The following ARHGAP32 variants were observed in gnomAD, a reference collection of about 807,000 sequenced individuals.
The protein encoded by ARHGAP32 is Rho GTPase activating protein 32, also known as rho GTPase-activating protein 32.
ARHGAP32 carries 51 observed loss-of-function variants against 186.5 expected under a neutral mutation model. The observed-to-expected ratio is 0.27, with a 90% CI of 0.22 to 0.35. The LOEUF is 0.35. Ranked by LOEUF, ARHGAP32 falls within the 10% of genes least tolerant of loss-of-function variation. The pLI, the probability that ARHGAP32 is intolerant of heterozygous loss-of-function variation, is 1.00. For missense variants in ARHGAP32, 2,186 were observed against 2,623.5 expected, an observed-to-expected ratio of 0.83 and a Z score of 3.64; for synonymous variants, 950 against 964.3, an observed-to-expected ratio of 0.99 and a Z score of 0.27.
chr11:129,105,291 C>T (rs923321282), intron 5 of ARHGAP32, among the ~76,000 whole-genome samples: 3 of 152,116 alleles, frequency 2.0e-5, no homozygotes, highest in Admixed American at 6.5e-5. Flanking sequence ...GCCATGCACA[C>T]GCACAGGGTA....
upstream of ARHGAP32, among the ~76,000 whole-genome samples, chr11:129,193,674 A>AATATGTAATATT (rs1944340609): frequency 2.0e-5 from 1 of 50,012 alleles, no homozygotes; most frequent in Non-Finnish European, 3.6e-5. Flanking sequence ...TATTATATAT[A>AATATGTAATATT]ATATATAATA....
intron 1 of ARHGAP32, among the ~76,000 whole-genome samples, chr11:129,189,294 T>C (rs1274940288): frequency 1.3e-5 from 2 of 152,116 alleles, no homozygotes; most frequent in Non-Finnish European, 2.9e-5. Flanking sequence ...TGCTCCACCA[T>C]GACAAATGTG....
chr11:128,988,098 G>A lies in ARHGAP32; in HGVS notation c.1223C>T (p.Ala408Val), dbSNP rs1161252189. The A allele has an allele frequency of 6.2e-7, 1 of 1,613,120 alleles. No homozygotes were observed. The highest frequency in any genetic ancestry group is 1.3e-5 in the African/African-American group (1 of 75,026). Residue 408 changes from alanine to valine, a missense_variant, in exon 13 of 23, where the codon GCA (alanine) becomes GTA (valine). By Grantham distance (64) the Ala-to-Val change is moderately conservative (BLOSUM62 0). Coordinates refer to ENST00000682385, the MANE Select transcript of ARHGAP32 (RefSeq NM_001378024.1). Reference protein sequence around the residue: ...EVPQVLQSCTAFIERYGIVDG... With the variant: ...EVPQVLQSCTVFIERYGIVDG... Reference sequence around the variant, plus strand: ...CACGATGCCATATCTCTCAATGAATGCTGTGCAGCTTTGAAGAACCTGCGG... The same window carrying A: ...CACGATGCCATATCTCTCAATGAATACTGTGCAGCTTTGAAGAACCTGCGG...
intron 1 of ARHGAP32, among the ~76,000 whole-genome samples, chr11:129,218,533 T>G (rs1944673111): frequency 6.6e-6 from 1 of 152,096 alleles, no homozygotes; most frequent in South Asian, 2.1e-4. Context: ...TTAAGAACCC[T>G]TCCCTGATCT....
In ARHGAP32 at chr11:128,974,300, G is replaced by A. The variant is rs749407447; in HGVS notation, c.2897C>T (p.Ser966Phe). ...CVEERDATNR[S>F]PTQIVKMKTN... is the part of the protein sequence containing the mutation. ...TTTCATCTTTACTATCTGGGTGGGG[G>A]ATCTATTTGTGGCATCCCTTTCTTC... Residue 966 changes from serine to phenylalanine, a missense_variant, in exon 21 of 23, where the codon TCC (serine) becomes TTC (phenylalanine). This residue lies in a region of ARHGAP32 where 1,502 missense variants were observed against 1,570.0 expected (regional missense o/e 0.96). Transcript: ENST00000682385. 1.9e-6 allele frequency: 3 copies of A among 1,614,072 alleles called. No individual in the cohort carries two copies. In the East Asian group the frequency reaches 6.7e-5, roughly 36 times the overall value.
At chr11:129,146,544 T>C (rs1236967282) in intron 2 of ARHGAP32, among the ~76,000 whole-genome samples, 1 of 152,104 alleles carries the variant, frequency 6.6e-6, no homozygotes, top group Non-Finnish European at 1.5e-5. Flanking sequence ...TGATAAACAA[T>C]CTCACTGTAA....
intron 10 of ARHGAP32, among the ~76,000 whole-genome samples, chr11:129,061,109 A>T (rs1940486037): frequency 6.6e-6 from 1 of 152,202 alleles, no homozygotes; most frequent in South Asian, 2.1e-4. Flanking sequence ...TTTATTTAAT[A>T]TGTAGTTAGA....
intron 1 of ARHGAP32, among the ~76,000 whole-genome samples, chr11:129,250,394 C>T (rs1054041041): frequency 6.6e-6 from 1 of 152,160 alleles, no homozygotes. Flanking sequence ...ACTCATTTTA[C>T]ATATTGAATT....
In ARHGAP32 at chr11:128,981,443, T is replaced by C. The variant is rs1945704628; in HGVS notation, c.1753A>G (p.Ile585Val). 1 of 1,611,014 alleles carries C rather than the reference T, an allele frequency of 6.2e-7. No individual in the cohort carries two copies. The highest frequency in any genetic ancestry group is 1.1e-5 in the South Asian group (1 of 90,770). Residue 585 changes from isoleucine (I) to valine (V), a missense_variant, in exon 17 of 23, where the codon ATC becomes GTC. Ile to Val is a conservative substitution (Grantham distance 29, BLOSUM62 3). Transcript: ENST00000682385. ...NHVDVLFSGR[I>V]SMAMQEGAAS... ...GCCCCCTCTTGCATGGCCATGCTGA[T>C]TCTGCCGCTGAACAGCACATCAACG...
Position 129,123,879 on chromosome 11 carries a change from A to G in ARHGAP32, c.359+9T>C. ...CATTCCCAACACAAAGTAGAAAACCAGATTTTACCTGTGAATGTTGTCACA... is the reference window on the plus strand; with the variant it reads ...CATTCCCAACACAAAGTAGAAAACCGGATTTTACCTGTGAATGTTGTCACA... On this transcript the variant is annotated intron_variant, in intron 4 of 22. Transcript: ENST00000682385. This position sits in a 1 kb window ranked among gnomAD's most constrained non-coding sequence, Gnocchi z 4.6. 6.9e-6 allele frequency: 9 copies of G among 1,298,886 alleles called. No homozygotes were observed. Among genetic ancestry groups the G allele is most frequent in the Non-Finnish European group, 9.0e-6 (9 of 995,296 alleles). 80.5% of individuals were successfully genotyped at this position (1,298,886 alleles called of 1,614,324 possible).
intron 11 of ARHGAP32, among the ~76,000 whole-genome samples, chr11:129,020,549 T>C (rs1403145229): frequency 6.6e-6 from 1 of 152,100 alleles, no homozygotes; most frequent in Admixed American, 6.5e-5. Flanking sequence ...AAATGCCACA[T>C]ACTTTATAAA....
At chr11:129,273,351 G>C (rs1945493997) in intron 1 of ARHGAP32, among the ~76,000 whole-genome samples, 1 of 152,124 alleles carries the variant, frequency 6.6e-6, no homozygotes, top group African/African-American at 2.4e-5. Context: ...TTATCCTACT[G>C]TGTCAGGATT....
At chr11:129,183,508 C>T (rs528176571) in intron 1 of ARHGAP32, among the ~76,000 whole-genome samples, 46 of 152,172 alleles carry the variant, frequency 3.0e-4, no homozygotes, top group Non-Finnish European at 5.1e-4. Context: ...ACATTTTTAT[C>T]ATGTAGGTTT....
intron 5 of ARHGAP32, among the ~76,000 whole-genome samples, chr11:129,097,838 T>C (rs979110994): frequency 2.6e-5 from 4 of 151,982 alleles, no homozygotes; most frequent in Non-Finnish European, 5.9e-5. Flanking sequence ...CTAAGTAAGA[T>C]AAACTCAGAG....
upstream of ARHGAP32, among the ~76,000 whole-genome samples, chr11:129,196,685 C>A (rs1054464538): frequency 6.6e-6 from 1 of 152,026 alleles, no homozygotes; most frequent in Admixed American, 6.6e-5. Context: ...GAGGCAGGAG[C>A]CATCATATTA....
At chr11:129,184,856 C>T (rs1944127322) in intron 1 of ARHGAP32, among the ~76,000 whole-genome samples, 1 of 152,120 alleles carries the variant, frequency 6.6e-6, no homozygotes, top group Admixed American at 6.6e-5. Context: ...TACAAGAAAT[C>T]AGAGAATATC....
At chr11:129,099,952 G>A (rs479045) in intron 5 of ARHGAP32, among the ~76,000 whole-genome samples, 76,582 of 151,960 alleles carry the variant, frequency 0.5, 19,650 homozygotes, top group South Asian at 0.64. Context: ...ACCAGGACTC[G>A]TTCCTGGATC....
chr11:128,972,401 C>T lies in ARHGAP32; in HGVS notation c.4053+52G>A, dbSNP rs527531994. On this transcript the variant is annotated intron_variant, in intron 22 of 22. Transcript: ENST00000682385. ...AACAACACACCCTGCTGAAAAGTGA[C>T]ATACCTTTGGTAATAGTATATTTCA... 3.1e-5 allele frequency: 46 copies of T among 1,484,146 alleles called. 1 individual carries two copies. The South Asian group carries it at 6.4e-4, about 21-fold the overall frequency. The allele number at this position is 1,484,146 out of a possible 1,614,324, so 91.9% of individuals were successfully genotyped here.
intron 11 of ARHGAP32, among the ~76,000 whole-genome samples, chr11:129,007,531 T>G (rs528101098): frequency 6.6e-6 from 1 of 152,030 alleles, no homozygotes; most frequent in Admixed American, 6.5e-5. Flanking sequence ...TAGGCTAGAA[T>G]GGGGGCCTCA....
Sources: allele counts gnomAD v4.1 joint callset (sites outside exome capture counted in the v4.1 genomes callset), GRCh38; gene constraint gnomAD v4.1.1; regional missense constraint gnomAD v4.1.1; non-coding constraint Gnocchi (gnomAD v3.1); transcripts MANE v1.5; gene names NCBI Gene and HGNC (gene_info 2026-07-23, HGNC 2026-07-21).